Variants in DCC observed in about 807,000 individuals in gnomAD.
DCC encodes the protein netrin receptor DCC.
Under a neutral mutation model 172.5 loss-of-function variants are expected in DCC, and 58 were observed. That is an observed-to-expected ratio of 0.34 (90% CI 0.27 to 0.42). The LOEUF (loss-of-function observed/expected upper bound fraction) is 0.42. Among genes scored for constraint, DCC ranks in the 10% least tolerant of loss-of-function variants. The pLI is 1.00. For synonymous variants in DCC, 709 were observed against 644.5 expected, an observed-to-expected ratio of 1.10 and a Z score of -1.52; for missense variants, 1,740 against 1,791.0, an observed-to-expected ratio of 0.97 and a Z score of 0.51.
At chr18:53,297,112 AGTG>A (rs1446696177) in intron 12 of DCC, among the ~76,000 whole-genome samples, 1 of 149,470 alleles carries the variant, frequency 6.7e-6, no homozygotes, top group African/African-American at 2.5e-5. Flanking sequence ...GAAAAATTGG[AGTG>A]GTGGGCTTAT....
intron 5 of DCC, among the ~76,000 whole-genome samples, chr18:53,039,199 T>C (rs1401856484): frequency 2.0e-5 from 3 of 152,012 alleles, no homozygotes; most frequent in Non-Finnish European, 4.4e-5. Context: ...CATTCACACG[T>C]TTACTGATGT....
chr18:52,888,452 T>C (rs1449007014), intron 2 of DCC, among the ~76,000 whole-genome samples: 1 of 152,170 alleles, frequency 6.6e-6, no homozygotes, highest in African/African-American at 2.4e-5. Context: ...TTGAATCATA[T>C]TAAAAAATCT....
chr18:52,538,389 T>G (rs1048964678), intron 1 of DCC, among the ~76,000 whole-genome samples: 10 of 152,222 alleles, frequency 6.6e-5, no homozygotes, highest in Admixed American at 2.0e-4. Flanking sequence ...TCATAATATA[T>G]TACTGTTACA....
At chr18:52,646,428 G>A (rs2144913787) in intron 1 of DCC, among the ~76,000 whole-genome samples, 1 of 152,126 alleles carries the variant, frequency 6.6e-6, no homozygotes, top group South Asian at 2.1e-4. Context: ...ATTCAATTCT[G>A]ACACTAATAC....
At chr18:52,502,719 C>T (rs2031076326) in intron 1 of DCC, among the ~76,000 whole-genome samples, 1 of 152,194 alleles carries the variant, frequency 6.6e-6, no homozygotes, top group Non-Finnish European at 1.5e-5. Flanking sequence ...CGAAGTCTAT[C>T]TTTCTGCCTA....
intron 1 of DCC, among the ~76,000 whole-genome samples, chr18:52,469,667 G>A (rs781574628): frequency 3.3e-5 from 5 of 152,114 alleles, no homozygotes; most frequent in South Asian, 2.1e-4. Flanking sequence ...TATTAATCAG[G>A]ATATACTAAT....
At chr18:53,310,690 CAT>C (rs1013848538) in intron 13 of DCC, among the ~76,000 whole-genome samples, 13 of 151,874 alleles carry the variant, frequency 8.6e-5, no homozygotes, top group African/African-American at 3.1e-4. Context: ...ATATAATAAA[CAT>C]AATAATAAAG....
At chr18:53,499,684 C>A (rs892337323) in intron 27 of DCC, among the ~76,000 whole-genome samples, 174 bp downstream of exon 27, 1 of 152,112 alleles carries the variant, frequency 6.6e-6, no homozygotes, top group African/African-American at 2.4e-5. Context: ...AATGACCCAC[C>A]TCCCAAGCAA....
intron 2 of DCC, among the ~76,000 whole-genome samples, chr18:52,817,623 T>C (rs1221903959): frequency 6.6e-6 from 1 of 152,094 alleles, no homozygotes; most frequent in Non-Finnish European, 1.5e-5. Flanking sequence ...TCTTAATGAG[T>C]GATGACAATG....
intron 26 of DCC, among the ~76,000 whole-genome samples, chr18:53,498,089 A>G (rs1206900483): frequency 6.6e-6 from 1 of 152,198 alleles, no homozygotes; most frequent in Non-Finnish European, 1.5e-5. Flanking sequence ...CCCCTTCTGA[A>G]TATAGAAGAA....
intron 1 of DCC, among the ~76,000 whole-genome samples, chr18:52,518,649 T>C (rs1293316540): frequency 6.6e-6 from 1 of 152,164 alleles, no homozygotes; most frequent in Non-Finnish European, 1.5e-5. Flanking sequence ...TGAGCCGGCA[T>C]GATGAATATT....
chr18:53,400,023 A>T (rs1366625372), intron 18 of DCC, among the ~76,000 whole-genome samples: 1 of 152,140 alleles, frequency 6.6e-6, no homozygotes, highest in Non-Finnish European at 1.5e-5. Flanking sequence ...GCCTTGAGAT[A>T]CGAACTTGGT....
chr18:52,441,972 A>G (rs970325781), intron 1 of DCC, among the ~76,000 whole-genome samples: 2 of 152,208 alleles, frequency 1.3e-5, no homozygotes, highest in Admixed American at 6.5e-5. Context: ...ACCATAAACC[A>G]TAGTCATCCA....
intron 7 of DCC, among the ~76,000 whole-genome samples, chr18:53,072,526 T>C (rs2042668398): frequency 6.6e-6 from 1 of 152,106 alleles, no homozygotes; most frequent in Admixed American, 6.6e-5. Context: ...AGCAGGGAAG[T>C]GGAGGGCCGT....
intron 21 of DCC, among the ~76,000 whole-genome samples, chr18:53,421,412 G>A (rs1389242479): frequency 1.3e-5 from 2 of 152,138 alleles, no homozygotes; most frequent in East Asian, 3.9e-4. Flanking sequence ...ACTCTCAAGT[G>A]TATTTAATTC....
At chr18:52,410,601 T>C (rs1986811535) in intron 1 of DCC, among the ~76,000 whole-genome samples, 1 of 152,134 alleles carries the variant, frequency 6.6e-6, no homozygotes, top group Non-Finnish European at 1.5e-5. Context: ...CTGAAATACC[T>C]GGTCGGAGAT....
chr18:52,402,346 A>G (rs1986472161), intron 1 of DCC, among the ~76,000 whole-genome samples: 2 of 152,018 alleles, frequency 1.3e-5, no homozygotes, highest in South Asian at 4.1e-4. Context: ...GCATTTGAGT[A>G]AGTAATGTGT....
chr18:53,396,072 T>G (rs989064061), intron 17 of DCC, among the ~76,000 whole-genome samples: 1 of 152,052 alleles, frequency 6.6e-6, no homozygotes, highest in Non-Finnish European at 1.5e-5. Flanking sequence ...ATATACAATT[T>G]TCATAACTAT....
intron 1 of DCC, among the ~76,000 whole-genome samples, chr18:52,736,235 G>T (rs978894786): frequency 2.7e-5 from 4 of 149,160 alleles, no homozygotes; most frequent in Admixed American, 6.7e-5. Context: ...TGACCAATAG[G>T]ATCAAAAGAG....
Sources: allele counts gnomAD v4.1 joint callset (sites outside exome capture counted in the v4.1 genomes callset), GRCh38; gene constraint gnomAD v4.1.1; transcripts MANE v1.5; gene names NCBI Gene and HGNC (gene_info 2026-07-23, HGNC 2026-07-21).